The following HDAC11 variants were observed in gnomAD, a reference collection of about 807,000 sequenced individuals.
HDAC11 encodes histone deacetylase 11.
Under a neutral mutation model 41.1 loss-of-function variants are expected in HDAC11, and 23 were observed. The observed-to-expected ratio is 0.56, with a 90% CI of 0.40 to 0.79. HDAC11 has a LOEUF of 0.79. Among genes scored for constraint, HDAC11 ranks in the 30% least tolerant of loss-of-function variants. HDAC11 has a pLI of 0.00. For synonymous variants in HDAC11, 187 were observed against 186.6 expected, an observed-to-expected ratio of 1.00 and a Z score of -0.02; for missense variants, 402 against 477.3, an observed-to-expected ratio of 0.84 and a Z score of 1.47.
chr3:13,488,747 T>C (rs975449207), intron 3 of HDAC11, among the ~76,000 whole-genome samples: 2 of 152,172 alleles, frequency 1.3e-5, no homozygotes, highest in Non-Finnish European at 2.9e-5. Flanking sequence ...AATACCTGTT[T>C]TCAGTTATTT....
At chr3:13,482,530 C>A (rs981417438) in intron 2 of HDAC11, among the ~76,000 whole-genome samples, 12 of 152,200 alleles carry the variant, frequency 7.9e-5, no homozygotes, top group African/African-American at 2.4e-4. Context: ...TGCCTGTAAT[C>A]CCAGCACTCT....
chr3:13,491,571 CA>C (rs1192939893), intron 3 of HDAC11, among the ~76,000 whole-genome samples: 1 of 152,114 alleles, frequency 6.6e-6, no homozygotes, highest in Non-Finnish European at 1.5e-5. Flanking sequence ...TCCCTGAGAG[CA>C]GTTCTTGGTT....
At chr3:13,482,838 A>G (rs1305065755) in intron 2 of HDAC11, among the ~76,000 whole-genome samples, 1 of 151,988 alleles carries the variant, frequency 6.6e-6, no homozygotes, top group Non-Finnish European at 1.5e-5. Flanking sequence ...CACTCCCATC[A>G]CCCAGGCTAG....
At chr3:13,501,962 A>G in intron 7 of HDAC11, 29 bp downstream of exon 7, 1 of 1,597,846 alleles carries the variant, frequency 6.3e-7, no homozygotes, top group East Asian at 2.2e-5. Context: ...CTGGACTCTT[A>G]GGGGACCTGC....
intron 3 of HDAC11, among the ~76,000 whole-genome samples, chr3:13,485,754 C>T (rs896044569): frequency 6.6e-6 from 1 of 152,008 alleles, no homozygotes; most frequent in Non-Finnish European, 1.5e-5. Flanking sequence ...CACTGCACTC[C>T]AGCTGGTATG....
chr3:13,499,114 A>G (rs1238772777), intron 5 of HDAC11, among the ~76,000 whole-genome samples: 2 of 152,140 alleles, frequency 1.3e-5, no homozygotes, highest in African/African-American at 4.8e-5. Flanking sequence ...TGTCCCTGTC[A>G]TTGTCCCTCC....
At position 13,505,263 on chromosome 3, in the gene HDAC11, G is replaced by A. The variant is rs1301702064; in HGVS notation, c.*580G>A. The A allele has an allele frequency of 6.2e-6, 1 of 161,138 alleles. No homozygotes were observed. Among genetic ancestry groups the A allele is most frequent in the South Asian group, 1.8e-4 (1 of 5,714 alleles). The allele number at this position is 161,138 out of a possible 1,614,324, so 10.0% of individuals were successfully genotyped here. On this transcript the variant is annotated 3_prime_UTR_variant, in exon 10 of 10. Coordinates refer to ENST00000295757, the MANE Select transcript of HDAC11 (RefSeq NM_024827.4). The stretch of plus-strand genomic sequence containing the variant: ...GGAACCCTGGGCCTGGATGTGAGGG[G>A]CGGTCAGGAAGGGGTACAGGTGGGT...
chr3:13,487,275 G>A (rs577430164), intron 3 of HDAC11, among the ~76,000 whole-genome samples: 14 of 152,228 alleles, frequency 9.2e-5, no homozygotes, highest in South Asian at 4.1e-4. Flanking sequence ...TGCTGTGGGC[G>A]CCCAGAGAGT....
intron 3 of HDAC11, among the ~76,000 whole-genome samples, chr3:13,496,260 T>C (rs1301604339): frequency 6.6e-6 from 1 of 152,202 alleles, no homozygotes. Flanking sequence ...GGCAATGCAG[T>C]GCGAGGGAGC....
intron 3 of HDAC11, among the ~76,000 whole-genome samples, chr3:13,490,880 A>T (rs1426872216): frequency 3.4e-5 from 5 of 149,172 alleles, no homozygotes; most frequent in Non-Finnish European, 7.4e-5. Context: ...CCTCCCAAGT[A>T]GCTGGGACTG....
intron 4 of HDAC11, 40 bp from the exon 5 acceptor site, chr3:13,498,473 C>A (rs372837433): frequency 7.9e-5 from 128 of 1,612,746 alleles, no homozygotes; most frequent in Admixed American, 2.7e-4. Flanking sequence ...ACTGGTGGAT[C>A]GGCTGCCTGC....
chr3:13,483,340 C>G lies in HDAC11; in HGVS notation c.152-124C>G, dbSNP rs181355456. On this transcript the variant is annotated intron_variant, in intron 2 of 9. Transcript: ENST00000295757. ...CCTTCTCAGAAGGCCCACAAGCCAG[C>G]AGTGCCTACCTACCCCTGGGGCAGG... 5.2e-3 allele frequency: 3,808 copies of G among 734,786 alleles called. 26 individuals carry two copies. The highest frequency in any genetic ancestry group is 0.011 in the South Asian group (690 of 60,468). 45.5% of individuals were successfully genotyped at this position (734,786 alleles called of 1,614,324 possible).
intron 3 of HDAC11, among the ~76,000 whole-genome samples, chr3:13,484,396 C>T (rs1379768916): frequency 6.6e-6 from 1 of 152,188 alleles, no homozygotes; most frequent in Admixed American, 6.5e-5. Flanking sequence ...AGTGGGAGGG[C>T]CGGTGGTAGA....
rs1306560425 is a variant in HDAC11, at chr3:13,506,058, G to C, written c.*1375G>C. 2 of 152,238 alleles carry C rather than the reference G, an allele frequency of 1.3e-5. No individual in the cohort carries two copies. Among genetic ancestry groups the C allele is most frequent in the Non-Finnish European group, 2.9e-5 (2 of 68,100 alleles). 9.4% of individuals were successfully genotyped at this position (152,238 alleles called of 1,614,324 possible). ...TGCTCCCTCTGCTGCAGGGAGAAGG[G>C]TTCCAAGATCACAAAATGTCAACAA... On this transcript the variant is annotated 3_prime_UTR_variant, in exon 10 of 10. Transcript: ENST00000295757.
chr3:13,494,584 T>G (rs1021494880), intron 3 of HDAC11, among the ~76,000 whole-genome samples: 1 of 152,196 alleles, frequency 6.6e-6, no homozygotes, highest in Non-Finnish European at 1.5e-5. Context: ...CCAGGCCCTG[T>G]GATGCCTCCA....
chr3:13,500,319 G>T (rs1043348026), intron 5 of HDAC11, among the ~76,000 whole-genome samples: 1 of 152,134 alleles, frequency 6.6e-6, no homozygotes. Flanking sequence ...CCAGCAGAGG[G>T]TGCCCTTCCT....
intron 2 of HDAC11, 73 bp downstream of exon 2, chr3:13,481,467 A>T (rs554306929): frequency 6.5e-7 from 1 of 1,546,954 alleles, no homozygotes; most frequent in African/African-American, 1.4e-5. Flanking sequence ...CATCCCCAAC[A>T]TAAGCCTCAG....
chr3:13,497,854 C>CTCTT (rs1702170717), intron 4 of HDAC11, among the ~76,000 whole-genome samples: 1 of 106,080 alleles, frequency 9.4e-6, no homozygotes. Context: ...TCTTTTTTTG[C>CTCTT]TTTTTTTTTT....
intron 5 of HDAC11, 71 bp from the exon 6 acceptor site, chr3:13,500,642 G>A (rs2125010670): frequency 8.0e-7 from 1 of 1,249,344 alleles, no homozygotes; most frequent in Non-Finnish European, 1.1e-6. Context: ...GGGAGGTGAA[G>A]GGATGGAGGA....
Sources: gnomAD v4.1 joint callset for allele counts (sites outside exome capture counted in the v4.1 genomes callset) on GRCh38, gnomAD v4.1.1 for gene constraint, MANE v1.5 for transcripts, NCBI Gene and HGNC (gene_info 2026-07-23, HGNC 2026-07-21) for gene names.